Variants in CSMD1 observed in about 807,000 individuals in gnomAD.
CSMD1 encodes CUB and sushi domain-containing protein 1.
CSMD1 carries 213 observed loss-of-function variants against 417.5 expected under a neutral mutation model. That is an observed-to-expected ratio of 0.51 (90% CI 0.46 to 0.57). The LOEUF is 0.57. CSMD1 is among the 20% of genes least tolerant of loss of function. The pLI is 0.00. For synonymous variants in CSMD1, 2,862 were observed against 1,736.8 expected (o/e 1.65, Z -16.11); for missense variants, 6,923 against 4,529.7 (o/e 1.53, Z -15.17).
chr8:3,217,835 C>T (rs1797967426), intron 29 of CSMD1, among the ~76,000 whole-genome samples: 1 of 152,072 alleles, frequency 6.6e-6, no homozygotes. Context: ...AGGTAAGAGA[C>T]ATAAAATATG....
At chr8:3,299,607 G>A (rs988152057) in intron 25 of CSMD1, among the ~76,000 whole-genome samples, 1 of 152,026 alleles carries the variant, frequency 6.6e-6, no homozygotes, top group Non-Finnish European at 1.5e-5. Context: ...GTGTAATTCT[G>A]CCTCACAAAG....
chr8:4,278,681 A>C (rs1001464486), intron 3 of CSMD1, among the ~76,000 whole-genome samples: 1 of 152,218 alleles, frequency 6.6e-6, no homozygotes, highest in Admixed American at 6.5e-5. Context: ...CGAACAGTCT[A>C]TAGCCACTTA....
chr8:4,476,349 G>A (rs1210056464), intron 2 of CSMD1, among the ~76,000 whole-genome samples: 2 of 152,062 alleles, frequency 1.3e-5, no homozygotes, highest in African/African-American at 4.8e-5. Flanking sequence ...ATAAGAATAT[G>A]GTATTAGTAT....
intron 24 of CSMD1, 81 bp from the exon 25 acceptor site, chr8:3,307,902 C>T (rs957310318): frequency 3.4e-6 from 5 of 1,475,902 alleles, no homozygotes; most frequent in Non-Finnish European, 4.6e-6. Context: ...AAACCAAAGC[C>T]ATTATGTCTG....
chr8:4,940,774 G>T (rs1274795100), intron 1 of CSMD1, among the ~76,000 whole-genome samples: 2 of 152,138 alleles, frequency 1.3e-5, no homozygotes, highest in East Asian at 1.9e-4. Flanking sequence ...CATAGAAAAT[G>T]AGGGGGCAAA....
chr8:4,144,444 T>C (rs1803986736), intron 3 of CSMD1, among the ~76,000 whole-genome samples: 1 of 151,212 alleles, frequency 6.6e-6, no homozygotes, highest in South Asian at 2.1e-4. Flanking sequence ...ATTTCTCTAG[T>C]TTCAACTGCT....
chr8:3,725,182 G>A (rs1802412947), intron 6 of CSMD1, among the ~76,000 whole-genome samples: 1 of 152,142 alleles, frequency 6.6e-6, no homozygotes, highest in African/African-American at 2.4e-5. Context: ...CTGAAGGCAA[G>A]GAGGTAGGTT....
intron 41 of CSMD1, among the ~76,000 whole-genome samples, chr8:3,136,389 T>A (rs1456918493): frequency 6.6e-6 from 1 of 151,774 alleles, no homozygotes; most frequent in African/African-American, 2.4e-5. Flanking sequence ...CTCAGCCTCC[T>A]GAGAAGTTGG....
At chr8:4,098,666 T>A (rs1309316607) in intron 3 of CSMD1, among the ~76,000 whole-genome samples, 1 of 152,206 alleles carries the variant, frequency 6.6e-6, no homozygotes, top group Non-Finnish European at 1.5e-5. Flanking sequence ...AATTCTTCAC[T>A]GTCTTACGGC....
In CSMD1 at chr8:3,030,881, A is replaced by G. The variant is rs148433947; in HGVS notation, c.7661-1368T>C. ...AGTCTTTTCTCAGTAATTTCCAAGT[A>G]CTATATAAAAATATACAGAAAAATG... On this transcript the variant is annotated intron_variant, in intron 50 of 69. Transcript: ENST00000635120. 2.8e-3 allele frequency among the ~76,000 whole-genome samples: 433 copies of G among 152,174 alleles called. 8 individuals carry two copies. The highest frequency in any genetic ancestry group is 0.017 in the Middle Eastern group (5 of 294).
chr8:3,388,653 C>T (rs1429669704), intron 17 of CSMD1, among the ~76,000 whole-genome samples: 9 of 152,118 alleles, frequency 5.9e-5, no homozygotes, highest in Non-Finnish European at 1.3e-4. Flanking sequence ...TTGGGCCTGG[C>T]CCCAATACTT....
At chr8:3,868,006 C>T (rs1805224885) in intron 5 of CSMD1, among the ~76,000 whole-genome samples, 1 of 152,168 alleles carries the variant, frequency 6.6e-6, no homozygotes, top group South Asian at 2.1e-4. Flanking sequence ...TCACACACCT[C>T]ATCCTTCCTT....
At chr8:3,772,321 GTACATATATTTAGACA>G (rs376386129) in intron 5 of CSMD1, among the ~76,000 whole-genome samples, 11 of 40,900 alleles carry the variant, frequency 2.7e-4, no homozygotes, top group East Asian at 5.7e-4. Context: ...ACATACATAT[GTACATATATTTAGACA>G]TACATATATA....
chr8:4,239,990 AT>A (rs1802293954), intron 3 of CSMD1, among the ~76,000 whole-genome samples: 1 of 152,250 alleles, frequency 6.6e-6, no homozygotes, highest in East Asian at 1.9e-4. Flanking sequence ...TTTCTTAAAA[AT>A]ACATAAGGCG....
At chr8:3,655,847 G>A (rs761283378) in intron 7 of CSMD1, among the ~76,000 whole-genome samples, 3 of 152,160 alleles carry the variant, frequency 2.0e-5, no homozygotes, top group Non-Finnish European at 2.9e-5. Flanking sequence ...ACTAGTTGAC[G>A]GAAAACCTGT....
At chr8:3,898,559 C>G (rs377191564) in intron 5 of CSMD1, among the ~76,000 whole-genome samples, 112 of 152,244 alleles carry the variant, frequency 7.4e-4, no homozygotes, top group Non-Finnish European at 1.4e-3. Context: ...ATAAATCTAT[C>G]CTGTAATGGA....
chr8:3,029,158 A>T (rs1017493905), intron 51 of CSMD1, among the ~76,000 whole-genome samples, 161 bp downstream of exon 51: 2 of 151,940 alleles, frequency 1.3e-5, no homozygotes, highest in Admixed American at 1.3e-4. Flanking sequence ...GTCACATGAC[A>T]ATACATATTC....
intron 5 of CSMD1, among the ~76,000 whole-genome samples, chr8:3,797,917 A>G (rs1381003352): frequency 1.3e-5 from 2 of 151,956 alleles, no homozygotes; most frequent in South Asian, 4.1e-4. Flanking sequence ...TCAACATTTG[A>G]TATTGTCAAG....
intron 1 of CSMD1, among the ~76,000 whole-genome samples, chr8:4,749,447 A>G (rs1305256255): frequency 1.3e-5 from 2 of 152,218 alleles, no homozygotes; most frequent in African/African-American, 4.8e-5. Context: ...GGCCATGGAA[A>G]TAAGGTTAAG....
Sources: gnomAD v4.1 joint callset for allele counts (sites outside exome capture counted in the v4.1 genomes callset) on GRCh38, gnomAD v4.1.1 for gene constraint, MANE v1.5 for transcripts, NCBI Gene and HGNC (gene_info 2026-07-23, HGNC 2026-07-21) for gene names.